The following MTSS1 variants were observed in gnomAD, a reference collection of about 807,000 sequenced individuals.
MTSS1 encodes protein MTSS 1.
Under a neutral mutation model 79.0 loss-of-function variants are expected in MTSS1, and 18 were observed. The ratio of observed to expected loss-of-function variants is 0.23; its 90% CI spans 0.16 to 0.34. The LOEUF is 0.34. Among genes scored for constraint, MTSS1 ranks in the 10% least tolerant of loss-of-function variants. The probability of loss-of-function intolerance (pLI) is 1.00; values close to 1 mark genes in which losing one functional copy is unlikely to be tolerated. For missense variants in MTSS1, 815 were observed against 986.2 expected, an observed-to-expected ratio of 0.83 and a Z score of 2.33; for synonymous variants, 341 against 368.6, an observed-to-expected ratio of 0.93 and a Z score of 0.86.
chr8:124,578,621 C>T (rs1829447476), intron 6 of MTSS1, among the ~76,000 whole-genome samples: 2 of 152,062 alleles, frequency 1.3e-5, no homozygotes, highest in Admixed American at 1.3e-4. Context: ...ATGGCAAAAC[C>T]CCGTCTCTAC....
At chr8:124,657,734 G>A (rs1019725535) in intron 3 of MTSS1, among the ~76,000 whole-genome samples, 5 of 152,160 alleles carry the variant, frequency 3.3e-5, no homozygotes, top group African/African-American at 1.2e-4. Flanking sequence ...GTGCCCCCAG[G>A]CACCTACCTC....
At chr8:124,631,932 T>G (rs1041439646) in intron 3 of MTSS1, among the ~76,000 whole-genome samples, 1 of 152,100 alleles carries the variant, frequency 6.6e-6, no homozygotes, top group Non-Finnish European at 1.5e-5. Flanking sequence ...CTGCTGATGA[T>G]GGTGGTTGTG....
At chr8:124,622,644 A>T (rs2133589203) in intron 3 of MTSS1, among the ~76,000 whole-genome samples, 1 of 151,768 alleles carries the variant, frequency 6.6e-6, no homozygotes, top group East Asian at 1.9e-4. Context: ...AAACCACAAC[A>T]ATTAGCTGGT....
At chr8:124,566,438 C>A (rs1055699779) in intron 8 of MTSS1, among the ~76,000 whole-genome samples, 6 of 152,190 alleles carry the variant, frequency 3.9e-5, no homozygotes, top group Non-Finnish European at 7.3e-5. Context: ...TGAGCCAGCT[C>A]TCCAAGGAGA....
rs1022225794 is a variant in MTSS1 at position 124,582,994 on chromosome 8, C to T, written c.460+2093G>A. The stretch of plus-strand genomic sequence containing the variant: ...ATAGAACACCTGGTCCAAAACTGCA[C>T]TTACTGATTTTAGAAAAAAATCTTT... On this transcript the variant is annotated intron_variant, in intron 6 of 13. Transcript: ENST00000518547. The surrounding 1 kb of genome is among the most constrained non-coding windows in gnomAD (Gnocchi z 4.8). 3.3e-5 allele frequency among the ~76,000 whole-genome samples: 5 copies of T among 152,196 alleles called. No individual in the cohort carries two copies. The highest frequency in any genetic ancestry group is 5.9e-5 in the Non-Finnish European group (4 of 68,042).
chr8:124,559,149 C>T (rs1216071118), intron 10 of MTSS1, among the ~76,000 whole-genome samples: 1 of 152,186 alleles, frequency 6.6e-6, no homozygotes, highest in African/African-American at 2.4e-5. Context: ...CAGAAGCATG[C>T]CTGGCACCGA....
intron 1 of MTSS1, among the ~76,000 whole-genome samples, chr8:124,714,149 G>A (rs1831570899): frequency 6.6e-6 from 1 of 152,172 alleles, no homozygotes; most frequent in Non-Finnish European, 1.5e-5. Flanking sequence ...CCTGACATTT[G>A]TATGGCCAAG....
intron 9 of MTSS1, 33 bp downstream of exon 9, chr8:124,565,629 C>G (rs1826236963): frequency 2.5e-6 from 4 of 1,580,940 alleles, no homozygotes; most frequent in Non-Finnish European, 3.5e-6. Flanking sequence ...ATGACCCGTC[C>G]TGAAAGCAAG....
At chr8:124,668,773 G>A (rs1206758901) in intron 3 of MTSS1, among the ~76,000 whole-genome samples, 1 of 152,090 alleles carries the variant, frequency 6.6e-6, no homozygotes, top group Non-Finnish European at 1.5e-5. Flanking sequence ...TAGCTATATC[G>A]ACAGGATCTC....
chr8:124,552,113 A>G lies in MTSS1; in HGVS notation c.*879T>C, dbSNP rs1822613641. 1 of 152,670 alleles carries G rather than the reference A, an allele frequency of 6.6e-6. No homozygotes were observed. Among genetic ancestry groups the G allele is most frequent in the South Asian group, 2.1e-4 (1 of 4,832 alleles). 9.5% of individuals were successfully genotyped at this position (152,670 alleles called of 1,614,324 possible). A position where few individuals can be genotyped will look rare whatever the true frequency, so the allele number is the denominator to read the frequency against. The stretch of plus-strand genomic sequence containing the variant: ...CCTTTTGGATGTATTTGGATTCCAT[A>G]AAGGTGAGTACAATCAACGAGAAAC... On this transcript the variant is annotated 3_prime_UTR_variant, in exon 14 of 14. Coordinates refer to ENST00000518547, the MANE Select transcript of MTSS1 (RefSeq NM_014751.6).
chr8:124,631,414 G>A (rs886278615), intron 3 of MTSS1, among the ~76,000 whole-genome samples: 5 of 152,072 alleles, frequency 3.3e-5, no homozygotes, highest in Non-Finnish European at 7.4e-5. Flanking sequence ...AAAGACGAGC[G>A]CTACACGACA....
At chr8:124,715,316 CT>C (rs1271956341) in intron 1 of MTSS1, among the ~76,000 whole-genome samples, 1 of 152,002 alleles carries the variant, frequency 6.6e-6, no homozygotes, top group African/African-American at 2.4e-5. Context: ...TCCATATTCC[CT>C]TTTTTATGTT....
rs116700857 is a variant in MTSS1 at position 124,727,660 on chromosome 8, T to G, written c.72+224A>C. On this transcript the variant is annotated intron_variant, in intron 1 of 13. Coordinates refer to ENST00000518547, the MANE Select transcript of MTSS1 (RefSeq NM_014751.6). The surrounding 1 kb of genome is among the most constrained non-coding windows in gnomAD (Gnocchi z 4.7). ...GGGACAATGAGCGGGGGAGATGGCG[T>G]GGGACAGCAGACACCCCCCAGAGAA... is the stretch of plus-strand genomic sequence containing the variant. The G allele has an allele frequency of 7.9e-3, 5,258 of 664,450 alleles. 129 individuals carry two copies. Among genetic ancestry groups the G allele is most frequent in the African/African-American group, 0.057 (3,176 of 55,884 alleles). 41.2% of individuals were successfully genotyped at this position (664,450 alleles called of 1,614,324 possible).
intron 1 of MTSS1, among the ~76,000 whole-genome samples, chr8:124,706,652 C>T (rs559330300): frequency 5.9e-5 from 9 of 152,370 alleles, no homozygotes; most frequent in African/African-American, 2.2e-4. Context: ...GCAGCTACAC[C>T]TGAGCTACTG....
intron 1 of MTSS1, among the ~76,000 whole-genome samples, chr8:124,719,826 T>C (rs1832647933): frequency 6.6e-6 from 1 of 152,176 alleles, no homozygotes; most frequent in South Asian, 2.1e-4. Context: ...TAGCACTTAT[T>C]TCATGCTAAG....
In MTSS1 at chr8:124,589,863, A is replaced by C; in HGVS notation, c.294-152T>G. ...GCTCCAGAACAGCCATGTTCCAAGA[A>C]TGCTTTTCTTTTAAGACAGAGTCTC... On this transcript the variant is annotated intron_variant, in intron 4 of 13. Transcript: ENST00000518547. 4 of 615,236 alleles carry C rather than the reference A, an allele frequency of 6.5e-6. 1 individual carries two copies. The South Asian group carries it at 8.0e-5, about 12-fold the overall frequency. The allele number at this position is 615,236 out of a possible 1,614,324, so 38.1% of individuals were successfully genotyped here.
chr8:124,621,955 T>C (rs916722490), intron 3 of MTSS1, among the ~76,000 whole-genome samples: 2 of 152,054 alleles, frequency 1.3e-5, no homozygotes, highest in Non-Finnish European at 2.9e-5. Flanking sequence ...GGTTTGGGTT[T>C]GGTTTACTTT....
chr8:124,570,964 C>T (rs1018238036), intron 6 of MTSS1, among the ~76,000 whole-genome samples: 4 of 152,150 alleles, frequency 2.6e-5, no homozygotes, highest in Admixed American at 6.5e-5. Flanking sequence ...TGAGCCACAG[C>T]GCCTGGGTGT....
At chr8:124,557,249 G>C (rs1382608454) in intron 11 of MTSS1, among the ~76,000 whole-genome samples, 1 of 152,234 alleles carries the variant, frequency 6.6e-6, no homozygotes, top group Non-Finnish European at 1.5e-5. Flanking sequence ...AGCTCATTAG[G>C]GAAAATGGGA....
Sources: allele counts gnomAD v4.1 joint callset (sites outside exome capture counted in the v4.1 genomes callset), GRCh38; gene constraint gnomAD v4.1.1; non-coding constraint Gnocchi (gnomAD v3.1); transcripts MANE v1.5; gene names NCBI Gene and HGNC (gene_info 2026-07-23, HGNC 2026-07-21).